Variants in TTI1 observed in about 807,000 individuals in gnomAD.
The protein encoded by TTI1 is TELO2 interacting protein 1, also known as TELO2-interacting protein 1 homolog.
Under a neutral mutation model 85.4 loss-of-function variants are expected in TTI1, and 52 were observed. That is an observed-to-expected ratio of 0.61 (90% CI 0.49 to 0.77). The LOEUF (loss-of-function observed/expected upper bound fraction) is 0.77, where lower values mean the gene tolerates loss of function less well. Among genes scored for constraint, TTI1 ranks in the 30% least tolerant of loss-of-function variants. The pLI is 0.00. For missense variants in TTI1, 1,173 were observed against 1,296.0 expected, an observed-to-expected ratio of 0.91 and a Z score of 1.46; for synonymous variants, 512 against 503.9, an observed-to-expected ratio of 1.02 and a Z score of -0.22.
rs772839935 is a variant in TTI1 at position 38,020,310 on chromosome 20, GAAA to G, written c.-41-6456_-41-6454del. On this transcript the variant is annotated intron_variant, in intron 1 of 7. Transcript: ENST00000373447. The stretch of plus-strand genomic sequence containing the variant: ...TGCTATGTCACTTGGCTACTCATAT[GAAA>G]AAAAAAAAAAATATATATATATATA... 1.2e-4 allele frequency among the ~76,000 whole-genome samples: 6 copies of G among 48,276 alleles called. 1 individual carries two copies. The highest frequency in any genetic ancestry group is 1.8e-4 in the Non-Finnish European group (5 of 28,168). 31.7% of individuals were successfully genotyped at this position (48,276 alleles called of 152,430 possible). A position where few individuals can be genotyped will look rare whatever the true frequency, so the allele number is the denominator to read the frequency against.
rs1392337605 is a variant in TTI1, at chr20:37,992,787, G to C, written c.3086+3588C>G. On this transcript the variant is annotated intron_variant, in intron 7 of 7. Coordinates refer to ENST00000373447, the MANE Select transcript of TTI1 (RefSeq NM_001303457.2). ...ACTTGAAGGACAAACAGAAATTTGG[G>C]GTGTATGCTCTCTTTTCAAATTCCT... 2.0e-5 allele frequency among the ~76,000 whole-genome samples: 3 copies of C among 152,120 alleles called. No homozygotes were observed. In the East Asian group the frequency reaches 5.8e-4, roughly 29 times the overall value.
At chr20:38,014,863 A>C (rs1021660393) in intron 1 of TTI1, among the ~76,000 whole-genome samples, 2 of 152,220 alleles carry the variant, frequency 1.3e-5, no homozygotes, top group African/African-American at 4.8e-5. Context: ...AAAGTCTCAA[A>C]TACTCCCTTT....
intron 1 of TTI1, among the ~76,000 whole-genome samples, chr20:38,027,026 A>C (rs192577238): frequency 1.3e-5 from 2 of 152,374 alleles, no homozygotes; most frequent in East Asian, 3.9e-4. Context: ...ATACTCAGAA[A>C]CATCATAGAT....
chr20:37,983,478 T>C lies in TTI1; in HGVS notation c.3248A>G (p.Gln1083Arg). The change falls in exon 8 of 8, where the codon CAG becomes CGG. Residue 1083 changes from glutamine to arginine, a missense_variant. Transcript: ENST00000373447. Reference protein sequence around the residue: ...QQNPYTTNVLQLLKELQ With the variant: ...QQNPYTTNVLRLLKELQ ...GGGTCACTGCAGCTCCTTGAGCAGC[T>C]GGAGCACGTTGGTCGTGTAGGGGTT... The C allele has an allele frequency of 6.2e-7, 1 of 1,611,122 alleles. No individual in the cohort carries two copies. The highest frequency in any genetic ancestry group is 8.5e-7 in the Non-Finnish European group (1 of 1,179,668).
chr20:37,999,904 CAA>C (rs541992735), intron 4 of TTI1, among the ~76,000 whole-genome samples: 1 of 152,096 alleles, frequency 6.6e-6, no homozygotes, highest in Non-Finnish European at 1.5e-5. Context: ...GGGGAGCCGT[CAA>C]AGTGTTTTAA....
intron 4 of TTI1, 65 bp downstream of exon 4, chr20:38,002,563 C>G: frequency 1.3e-6 from 2 of 1,590,606 alleles, no homozygotes; most frequent in Non-Finnish European, 1.7e-6. Flanking sequence ...CGTGTAGCCA[C>G]TGCCAACCAG....
At chr20:38,018,320 G>A (rs2073713642) in intron 1 of TTI1, among the ~76,000 whole-genome samples, 1 of 152,056 alleles carries the variant, frequency 6.6e-6, no homozygotes, top group South Asian at 2.1e-4. Flanking sequence ...TTAGAACTGA[G>A]AACTACAGTA....
At chr20:38,017,464 A>C (rs530706715) in intron 1 of TTI1, among the ~76,000 whole-genome samples, 1 of 149,998 alleles carries the variant, frequency 6.7e-6, no homozygotes, top group Non-Finnish European at 1.5e-5. Context: ...TGTGCGCACG[A>C]GCCTTTGGTG....
chr20:38,002,508 GCCAC>G, intron 4 of TTI1, 116 bp downstream of exon 4: 1 of 1,320,886 alleles, frequency 7.6e-7, no homozygotes, highest in South Asian at 1.4e-5. Flanking sequence ...CCTTCTCTTG[GCCAC>G]CACACGTGGA....
In TTI1 at chr20:38,012,159, A is replaced by G. The variant is rs749979767; in HGVS notation, c.1658T>C (p.Leu553Pro). ...EKHIKTNPEE[L>P]REIVTSILEE... ...AAGTATAGATGTCACAATCTCTCTC[A>G]GTTCTTCTGGGTTTGTTTTAATATG... Residue 553 changes from leucine to proline, a missense_variant, in exon 2 of 8, where the codon CTG becomes CCG. Coordinates refer to ENST00000373447, the MANE Select transcript of TTI1 (RefSeq NM_001303457.2). 1.5e-5 allele frequency: 24 copies of G among 1,614,118 alleles called. No homozygotes were observed. Among genetic ancestry groups the G allele is most frequent in the Non-Finnish European group, 2.0e-5 (24 of 1,180,036 alleles).
At chr20:38,022,789 G>A (rs1231125644) in intron 1 of TTI1, among the ~76,000 whole-genome samples, 1 of 152,168 alleles carries the variant, frequency 6.6e-6, no homozygotes, top group Non-Finnish European at 1.5e-5. Context: ...TTTCCCTTCT[G>A]AAGAACAAGT....
chr20:38,004,520 T>C (rs1238131415), intron 3 of TTI1, among the ~76,000 whole-genome samples: 1 of 152,236 alleles, frequency 6.6e-6, no homozygotes, highest in African/African-American at 2.4e-5. Flanking sequence ...GGTGCTTTTA[T>C]GTGCTTAAAA....
At chr20:37,992,279 TC>T (rs947074378) in intron 7 of TTI1, among the ~76,000 whole-genome samples, 18 of 152,080 alleles carry the variant, frequency 1.2e-4, no homozygotes, top group African/African-American at 4.3e-4. Flanking sequence ...GACTTCATCT[TC>T]TTCTTTTTTT....
intron 1 of TTI1, among the ~76,000 whole-genome samples, chr20:38,024,011 A>G (rs1766694318): frequency 6.6e-6 from 1 of 152,174 alleles, no homozygotes; most frequent in African/African-American, 2.4e-5. Flanking sequence ...GCTGTCCCTT[A>G]TAGAAAATAT....
rs779557811 is a variant in TTI1, at chr20:38,013,842, G to A, written c.-26C>T. On this transcript the variant is annotated 5_prime_UTR_variant, in exon 2 of 8. Transcript: ENST00000373447. ...TGTGCAGCAGCCTTCCCCTCATTGA[G>A]GAAACATCCTGCAGGCTGGAGGAAG... is the stretch of plus-strand genomic sequence containing the variant. 6.3e-7 allele frequency: 1 copy of A among 1,589,902 alleles called. No individual in the cohort carries two copies. The highest frequency in any genetic ancestry group is 2.2e-5 in the East Asian group (1 of 44,616).
chr20:37,983,569 C>T lies in TTI1; in HGVS notation c.3157G>A (p.Val1053Met), dbSNP rs149450052. 4.2e-5 allele frequency: 68 copies of T among 1,601,586 alleles called. 1 individual carries two copies. Among genetic ancestry groups the T allele is most frequent in the African/African-American group, 8.0e-5 (6 of 74,622 alleles). ...WFLLNELYCP[V>M]QFTPPHPSLH... is the part of the protein sequence containing the mutation. The stretch of plus-strand genomic sequence containing the variant: ...CTGGGGTGGGGAGGTGTGAACTGCA[C>T]GGGGCAGTAAAGCTCGTTCAGGAGG... The change falls in exon 8 of 8, where the codon GTG becomes ATG. Residue 1053 changes from valine to methionine, a missense_variant. By Grantham distance (21) the Val-to-Met change is conservative. Transcript: ENST00000373447.
Position 38,013,681 on chromosome 20 carries a change from G to A in TTI1, c.136C>T (p.Gln46Ter). ...AAGAGGATGTACTGCTGAAGTTCCT[G>A]AAGGGCACTGTCACTCACAGCTTGT... Reference protein sequence around the residue: ...RLQAVSDSALQELQQYILFPL... With the variant: ...RLQAVSDSAL The change falls in exon 2 of 8, where the codon CAG becomes TAG. Residue 46 changes from glutamine to a stop codon, truncating the protein, a stop_gained. Coordinates refer to ENST00000373447, the MANE Select transcript of TTI1 (RefSeq NM_001303457.2). LOFTEE classifies it high-confidence loss of function. 1 of 1,614,198 alleles carries A rather than the reference G, an allele frequency of 6.2e-7. No individual in the cohort carries two copies. The highest frequency in any genetic ancestry group is 8.5e-7 in the Non-Finnish European group (1 of 1,180,040).
chr20:38,012,319 T>G lies in TTI1; in HGVS notation c.1498A>C (p.Asn500His). 6.2e-7 allele frequency: 1 copy of G among 1,614,118 alleles called. No individual in the cohort carries two copies. Among genetic ancestry groups the G allele is most frequent in the Non-Finnish European group, 8.5e-7 (1 of 1,180,024 alleles). Residue 500 changes from asparagine (N) to histidine (H), a missense_variant, in exon 2 of 8, where the codon AAT becomes CAT. By Grantham distance (68) the Asn-to-His change is moderately conservative. Transcript: ENST00000373447. ...QVCQLLGYYG[N>H]LYLLVDHFME... ...AAGTGATCCACAAGCAAATAAAGATTCCCATAATAACCAAGTAGCTGACAA... is the reference window on the plus strand; with the variant it reads ...AAGTGATCCACAAGCAAATAAAGATGCCCATAATAACCAAGTAGCTGACAA...
Position 38,017,171 on chromosome 20 carries a change from C to T in TTI1, c.-41-3314G>A, listed in dbSNP as rs2073694615. Among the ~76,000 whole-genome samples, 4 of 152,170 alleles carry T rather than the reference C, an allele frequency of 2.6e-5. No homozygotes were observed. In the South Asian group the frequency reaches 8.3e-4, roughly 31 times the overall value. On this transcript the variant is annotated intron_variant, in intron 1 of 7. Coordinates refer to ENST00000373447, the MANE Select transcript of TTI1 (RefSeq NM_001303457.2). Reference sequence around the variant, plus strand: ...CTGAGAGGGCAGGGCAATCCTATACCTAGAAGCTACAAGAGCATCTGGCAC... The same window carrying T: ...CTGAGAGGGCAGGGCAATCCTATACTTAGAAGCTACAAGAGCATCTGGCAC...
Sources: gnomAD v4.1 joint callset for allele counts (sites outside exome capture counted in the v4.1 genomes callset) on GRCh38, gnomAD v4.1.1 for gene constraint, MANE v1.5 for transcripts, NCBI Gene and HGNC (gene_info 2026-07-23, HGNC 2026-07-21) for gene names.